Variants in PIK3C2B observed in about 807,000 individuals in gnomAD.
PIK3C2B encodes the protein phosphatidylinositol 4-phosphate 3-kinase C2 domain-containing subunit beta.
In PIK3C2B, 83 loss-of-function variants were observed where a neutral mutation model predicts 184.3. The ratio of observed to expected loss-of-function variants is 0.45; its 90% CI spans 0.38 to 0.54. The LOEUF (loss-of-function observed/expected upper bound fraction) is 0.54. Among genes scored for constraint, PIK3C2B ranks in the 20% least tolerant of loss-of-function variants. The pLI is 0.00. For missense variants in PIK3C2B, 1,736 were observed against 2,113.5 expected (o/e 0.82, Z 3.50); for synonymous variants, 779 against 837.6 (o/e 0.93, Z 1.21).
chr1:204,482,110 G>A (rs1312452366), intron 1 of PIK3C2B, among the ~76,000 whole-genome samples: 1 of 1,692 alleles, frequency 5.9e-4, no homozygotes, highest in African/African-American at 6.7e-4. Context: ...ATGAAAAGAC[G>A]GGGGGGGGGG....
chr1:204,493,099 G>A (rs1309789370), intron 1 of PIK3C2B, among the ~76,000 whole-genome samples: 2 of 152,192 alleles, frequency 1.3e-5, no homozygotes, highest in Non-Finnish European at 2.9e-5. Flanking sequence ...GTATTTGGGG[G>A]TCGGCATTGC....
chr1:204,433,340 G>A lies in PIK3C2B; in HGVS notation c.3929C>T (p.Ala1310Val), dbSNP rs754616990. 1.2e-6 allele frequency: 2 copies of A among 1,600,228 alleles called. No individual in the cohort carries two copies. Among genetic ancestry groups the A allele is most frequent in the South Asian group, 1.1e-5 (1 of 90,802 alleles). Reference sequence around the variant, plus strand: ...CCTAGTGAAGTAGGTAGTGGCATTGGCCTCTGTATCCTGAGGCCTCAGGGC... The same window carrying A: ...CCTAGTGAAGTAGGTAGTGGCATTGACCTCTGTATCCTGAGGCCTCAGGGC... ...YDALRPQDTE[A>V]NATTYFTRLI... The change falls in exon 26 of 33, where the codon GCC becomes GTC. Residue 1310 changes from alanine (A) to valine (V), a missense_variant. Physicochemically the swap from Ala to Val is moderately conservative, Grantham distance 64. Transcript: ENST00000684373. This position sits in a 1 kb window ranked among gnomAD's most constrained non-coding sequence, Gnocchi z 5.0.
At position 204,431,745 on chromosome 1, in the gene PIK3C2B, T is replaced by C. The variant is rs759249309; in HGVS notation, c.4204A>G (p.Ile1402Val). 2 of 1,614,172 alleles carry C rather than the reference T, an allele frequency of 1.2e-6. No homozygotes were observed. Among genetic ancestry groups the C allele is most frequent in the Admixed American group, 3.3e-5 (2 of 60,020 alleles). The stretch of plus-strand genomic sequence containing the variant: ...TGGAACTCCTCAAAGGTCCGCTGGA[T>C]GTAGGTGGCCTCGTGAGTGTTCTCT... ...MRENTHEATY[I>V]QRTFEEFQEL... Residue 1402 changes from isoleucine (I) to valine (V), a missense_variant, in exon 28 of 33, where the codon ATC becomes GTC. This residue lies in a region of PIK3C2B where 200 missense variants were observed against 199.1 expected (regional missense o/e 1.00). Coordinates refer to ENST00000684373, the MANE Select transcript of PIK3C2B (RefSeq NM_001377334.1).
At chr1:204,454,948 TG>T (rs1388058140) in intron 11 of PIK3C2B, among the ~76,000 whole-genome samples, 157 bp from the exon 12 acceptor site, 1 of 152,180 alleles carries the variant, frequency 6.6e-6, no homozygotes, top group African/African-American at 2.4e-5. Flanking sequence ...CCAAACTGGA[TG>T]TAAGGAAATG....
intron 2 of PIK3C2B, among the ~76,000 whole-genome samples, chr1:204,468,005 G>T (rs1655957420): frequency 6.6e-6 from 1 of 152,112 alleles, no homozygotes; most frequent in Non-Finnish European, 1.5e-5. Flanking sequence ...AGCTGCCCTG[G>T]CACCTGCCTG....
At chr1:204,487,509 C>T (rs1409204908) in intron 1 of PIK3C2B, among the ~76,000 whole-genome samples, 3 of 152,138 alleles carry the variant, frequency 2.0e-5, no homozygotes, top group East Asian at 3.9e-4. Context: ...GTGTTCTCAG[C>T]GTGGTCTGAC....
intron 12 of PIK3C2B, among the ~76,000 whole-genome samples, chr1:204,450,503 C>T (rs745374678): frequency 4.6e-5 from 7 of 152,028 alleles, no homozygotes; most frequent in Non-Finnish European, 7.4e-5. Context: ...TCTCTGCCCT[C>T]GGTTCACCCT....
chr1:204,453,973 C>T (rs1248794420), intron 12 of PIK3C2B, among the ~76,000 whole-genome samples: 1 of 151,726 alleles, frequency 6.6e-6, no homozygotes, highest in East Asian at 2.0e-4. Flanking sequence ...CGAGGTTTCT[C>T]CATGTTGGTC....
chr1:204,465,338 C>T lies in PIK3C2B; in HGVS notation c.934-19G>A, dbSNP rs575850995. On this transcript the variant is annotated intron_variant, in intron 2 of 32. Transcript: ENST00000684373. ...AGCCCACCTTTAAGAGAAGAGCAGA[C>T]GACTCAGTGCCTTTTTCCTCGTGGT... 40 of 1,512,468 alleles carry T rather than the reference C, an allele frequency of 2.6e-5. No homozygotes were observed. The highest frequency in any genetic ancestry group is 2.5e-4 in the East Asian group (11 of 44,474). 93.7% of individuals were successfully genotyped at this position (1,512,468 alleles called of 1,614,324 possible).
chr1:204,472,558 C>T (rs1417499590), intron 1 of PIK3C2B, among the ~76,000 whole-genome samples: 1 of 151,814 alleles, frequency 6.6e-6, no homozygotes, highest in Non-Finnish European at 1.5e-5. Context: ...GTGGACGGAT[C>T]ACCTGAGGTC....
chr1:204,437,037 G>C (rs1049527328), intron 23 of PIK3C2B, among the ~76,000 whole-genome samples: 1 of 152,142 alleles, frequency 6.6e-6, no homozygotes, highest in Non-Finnish European at 1.5e-5. Flanking sequence ...TGCCCCCACC[G>C]CATGATCTAG....
intron 1 of PIK3C2B, among the ~76,000 whole-genome samples, chr1:204,483,635 G>A (rs1406932071): frequency 1.3e-5 from 2 of 152,178 alleles, no homozygotes; most frequent in African/African-American, 4.8e-5. Context: ...TGACTTTAGC[G>A]AGGGGGAGGG....
At chr1:204,444,550 TAA>T (rs1653682899) in intron 16 of PIK3C2B, 126 bp from the exon 17 acceptor site, 2 of 658,436 alleles carry the variant, frequency 3.0e-6, no homozygotes, top group East Asian at 2.7e-5. Context: ...TAGATTCTGC[TAA>T]AGTCACTAGA....
At chr1:204,439,096 C>T (rs777422218) in intron 22 of PIK3C2B, 25 bp from the exon 23 acceptor site, 28 of 1,609,868 alleles carry the variant, frequency 1.7e-5, no homozygotes, top group Non-Finnish European at 2.1e-5. Flanking sequence ...ATGGGGGTCA[C>T]GTTCCAGACC....
chr1:204,453,876 C>T (rs974432839), intron 12 of PIK3C2B, among the ~76,000 whole-genome samples: 9 of 151,668 alleles, frequency 5.9e-5, no homozygotes, highest in South Asian at 2.1e-4. Context: ...CGGGTTCAAG[C>T]GATTCTCCTG....
chr1:204,461,275 A>T (rs1655316447), intron 5 of PIK3C2B, among the ~76,000 whole-genome samples: 1 of 152,232 alleles, frequency 6.6e-6, no homozygotes, highest in Non-Finnish European at 1.5e-5. Flanking sequence ...GAAAAGTCCC[A>T]AATGCATGCC....
At chr1:204,456,900 ACACACACC>A (rs796339986) in intron 10 of PIK3C2B, 129 bp downstream of exon 10, 96,136 of 395,420 alleles carry the variant, frequency 0.24, 3,076 homozygotes, top group Middle Eastern at 0.28. Flanking sequence ...ACACACACAC[ACACACACC>A]CACACACACA....
At chr1:204,452,202 G>A (rs1037470463) in intron 12 of PIK3C2B, among the ~76,000 whole-genome samples, 3 of 151,134 alleles carry the variant, frequency 2.0e-5, no homozygotes, top group Non-Finnish European at 4.4e-5. Context: ...AGGCTGGGCT[G>A]CCTCTCTACC....
At chr1:204,470,058 CTATT>C (rs1656175117) in intron 1 of PIK3C2B, among the ~76,000 whole-genome samples, 172 bp from the exon 2 acceptor site, 1 of 152,052 alleles carries the variant, frequency 6.6e-6, no homozygotes, top group African/African-American at 2.4e-5. Flanking sequence ...ACAACTTTAC[CTATT>C]TATTATATCC....
Sources: allele counts gnomAD v4.1 joint callset (sites outside exome capture counted in the v4.1 genomes callset), GRCh38; gene constraint gnomAD v4.1.1; regional missense constraint gnomAD v4.1.1; non-coding constraint Gnocchi (gnomAD v3.1); transcripts MANE v1.5; gene names NCBI Gene and HGNC (gene_info 2026-07-23, HGNC 2026-07-21).